PCTP: variants seen among roughly 807,000 people sequenced by gnomAD.
The protein encoded by PCTP is phosphatidylcholine transfer protein.
In PCTP, 27 loss-of-function variants were observed where a neutral mutation model predicts 31.0. The observed-to-expected ratio is 0.87, with a 90% CI of 0.64 to 1.20. PCTP has a LOEUF of 1.20. PCTP is among the 50% of genes most tolerant of loss of function. The pLI is 0.00. For synonymous variants in PCTP, 108 were observed against 101.2 expected (o/e 1.07, Z -0.40); for missense variants, 287 against 268.2 (o/e 1.07, Z -0.49).
At chr17:55,841,452 T>A (rs993295525) in intron 5 of PCTP, among the ~76,000 whole-genome samples, 5 of 152,252 alleles carry the variant, frequency 3.3e-5, no homozygotes, top group African/African-American at 1.2e-4. Context: ...ATGGCTTTTA[T>A]GCAGATTATA....
intron 1 of PCTP, among the ~76,000 whole-genome samples, chr17:55,761,484 TA>T (rs1910337206): frequency 6.7e-6 from 1 of 149,742 alleles, no homozygotes; most frequent in Non-Finnish European, 1.5e-5. Context: ...CTATAGCAGG[TA>T]TATATAAAAA....
intron 5 of PCTP, among the ~76,000 whole-genome samples, chr17:55,837,146 T>C (rs1020398736): frequency 7.2e-5 from 11 of 152,204 alleles, no homozygotes; most frequent in African/African-American, 2.6e-4. Context: ...AGAAGGAAAG[T>C]GAGATGAGCT....
Position 55,751,163 on chromosome 17 carries a change from C to G in PCTP, c.60C>G (p.Leu20=). 1 of 1,548,518 alleles carries G rather than the reference C, an allele frequency of 6.5e-7. No individual in the cohort carries two copies. Among genetic ancestry groups the G allele is most frequent in the Non-Finnish European group, 8.7e-7 (1 of 1,146,154 alleles). Residue 20 remains leucine, a synonymous_variant, in exon 1 of 6, where the codon CTC becomes CTG. Transcript: ENST00000268896. Reference sequence around the variant, plus strand: ...AGTTCTGGGAGGCCTGCGCCGAGCTCCAGCAGCCCGCTCTGGCCGGGGCCG... The same window carrying G: ...AGTTCTGGGAGGCCTGCGCCGAGCTGCAGCAGCCCGCTCTGGCCGGGGCCG... ...EEQFWEACAE[L]QQPALAGADW...
At chr17:55,845,683 T>C (rs925553954), downstream of PCTP, among the ~76,000 whole-genome samples, 1 of 152,044 alleles carries the variant, frequency 6.6e-6, no homozygotes, top group Non-Finnish European at 1.5e-5. Context: ...GCATTTCAGC[T>C]CCGCGCGGCG....
chr17:55,817,593 T>C (rs1458229429), intron 3 of PCTP, among the ~76,000 whole-genome samples: 4 of 152,184 alleles, frequency 2.6e-5, no homozygotes, highest in Non-Finnish European at 5.9e-5. Context: ...GTTTCCTCCT[T>C]TGGATTATCA....
intron 3 of PCTP, among the ~76,000 whole-genome samples, chr17:55,817,866 C>G (rs756306911): frequency 6.6e-6 from 1 of 152,122 alleles, no homozygotes; most frequent in Non-Finnish European, 1.5e-5. Flanking sequence ...TTCAAGAAAC[C>G]ATGGCTAAGA....
chr17:55,794,789 G>A (rs1912130282), intron 3 of PCTP, among the ~76,000 whole-genome samples: 2 of 151,974 alleles, frequency 1.3e-5, no homozygotes, highest in Admixed American at 1.3e-4. Context: ...CCTGCCAAGA[G>A]ACCACAAGCT....
chr17:55,814,520 A>G (rs1912855373), intron 3 of PCTP, among the ~76,000 whole-genome samples: 1 of 152,248 alleles, frequency 6.6e-6, no homozygotes, highest in Non-Finnish European at 1.5e-5. Flanking sequence ...TCGGGGGGAA[A>G]GAAATGCTTC....
At position 55,839,533 on chromosome 17, in the gene PCTP, TC is replaced by T. The variant is rs369011495; in HGVS notation, n.506-3192del. Among the ~76,000 whole-genome samples the T allele has an allele frequency of 3.1e-3, 473 of 152,252 alleles. 1 individual carries two copies. The highest frequency in any genetic ancestry group is 5.2e-3 in the Non-Finnish European group (355 of 68,016). On this transcript the variant is annotated intron_variant and non_coding_transcript_variant, in intron 5 of 5. Transcript: ENST00000576221. ...GATATCTATAGGTTTTTAAAGTTTC[TC>T]CAGGGGATTCTAATGACCACCCAGG...
the PCTP span, among the ~76,000 whole-genome samples, chr17:55,850,884 G>A: frequency 0.011 from 1,675 of 152,188 alleles, 34 homozygotes; most frequent in African/African-American, 0.038. Flanking sequence ...GGTCTGATTG[G>A]CATCATGTTC....
chr17:55,762,544 T>C (rs544230198), intron 1 of PCTP, among the ~76,000 whole-genome samples: 2 of 152,198 alleles, frequency 1.3e-5, no homozygotes, highest in Admixed American at 1.3e-4. Flanking sequence ...TAGGATTGTT[T>C]TTAGCTACAA....
intron 1 of PCTP, among the ~76,000 whole-genome samples, chr17:55,762,917 A>T: frequency 6.6e-6 from 1 of 152,264 alleles, no homozygotes; most frequent in Non-Finnish European, 1.5e-5. Flanking sequence ...TGCATTCTGT[A>T]CATGATACTG....
At chr17:55,808,010 A>G (rs1449744788) in intron 3 of PCTP, among the ~76,000 whole-genome samples, 2 of 152,176 alleles carry the variant, frequency 1.3e-5, no homozygotes, top group East Asian at 3.8e-4. Flanking sequence ...TAATGATGAT[A>G]ATGATGGTGG....
chr17:55,751,357 C>T, intron 1 of PCTP, 113 bp downstream of exon 1: 1 of 1,528,164 alleles, frequency 6.5e-7, no homozygotes, highest in Non-Finnish European at 8.8e-7. Context: ...TCTTCTCCGG[C>T]TCAGGAAGGA....
intron 3 of PCTP, among the ~76,000 whole-genome samples, chr17:55,813,270 A>G (rs868088912): frequency 3.2e-4 from 49 of 152,032 alleles, no homozygotes; most frequent in African/African-American, 1.1e-3. Flanking sequence ...GAAGTACGTT[A>G]TTTATTTATT....
At chr17:55,782,954 GA>G (rs1206804541) in intron 2 of PCTP, among the ~76,000 whole-genome samples, 1 of 152,150 alleles carries the variant, frequency 6.6e-6, no homozygotes, top group African/African-American at 2.4e-5. Context: ...ATACTCAATA[GA>G]TAGAGCACAA....
At chr17:55,795,783 A>G (rs1167213906) in intron 3 of PCTP, among the ~76,000 whole-genome samples, 4 of 152,106 alleles carry the variant, frequency 2.6e-5, no homozygotes, top group Admixed American at 2.0e-4. Flanking sequence ...AAATATTACT[A>G]TTCTCAAAGA....
At chr17:55,789,450 T>G (rs1162353189) in intron 3 of PCTP, among the ~76,000 whole-genome samples, 1 of 152,170 alleles carries the variant, frequency 6.6e-6, no homozygotes, top group East Asian at 1.9e-4. Flanking sequence ...TGCTGTTAAG[T>G]TGTAAACGCT....
At chr17:55,773,566 A>G in intron 3 of PCTP, 158 bp from the exon 4 acceptor site, 1 of 617,514 alleles carries the variant, frequency 1.6e-6, no homozygotes, top group Non-Finnish European at 2.8e-6. Flanking sequence ...CTTGCAGTGC[A>G]GGTATGGAGA....
Sources: gnomAD v4.1 joint callset for allele counts (sites outside exome capture counted in the v4.1 genomes callset) on GRCh38, gnomAD v4.1.1 for gene constraint, MANE v1.5 for transcripts, NCBI Gene and HGNC (gene_info 2026-07-23, HGNC 2026-07-21) for gene names.